The following PKN3 variants were observed in gnomAD, a reference collection of about 807,000 sequenced individuals.
The protein encoded by PKN3 is serine/threonine-protein kinase N3.
Under a neutral mutation model 113.1 loss-of-function variants are expected in PKN3, and 91 were observed. The observed-to-expected ratio is 0.80, with a 90% CI of 0.68 to 0.96. The LOEUF is 0.96. Ranked by LOEUF, PKN3 falls within the 40% of genes least tolerant of loss-of-function variation. The pLI, the probability that PKN3 is intolerant of heterozygous loss-of-function variation, is 0.00. For synonymous variants in PKN3, 467 were observed against 499.0 expected (o/e 0.94, Z 0.85); for missense variants, 1,052 against 1,202.2 (o/e 0.88, Z 1.85).
chr9:128,704,067 G>GT, intron 1 of PKN3: 1 of 985,338 alleles, frequency 1.0e-6, no homozygotes, highest in Non-Finnish European at 1.2e-6. Context: ...GGGGTGGGGG[G>GT]GTCCCTGAGT....
intron 16 of PKN3, 88 bp from the exon 17 acceptor site, chr9:128,718,237 C>A: frequency 1.0e-6 from 1 of 965,068 alleles, no homozygotes; most frequent in Admixed American, 1.7e-5. Flanking sequence ...CATCCGGGAT[C>A]CCCCCGCTAT....
chr9:128,703,383 A>G, intron 1 of PKN3: 3 of 985,420 alleles, frequency 3.0e-6, no homozygotes, highest in Non-Finnish European at 2.4e-6. Flanking sequence ...TGGCAGTGGC[A>G]GGAGTCCTTC....
At chr9:128,703,826 C>T (rs1170468742) in intron 1 of PKN3, 1 of 985,272 alleles carries the variant, frequency 1.0e-6, no homozygotes, top group African/African-American at 1.7e-5. Flanking sequence ...CTCTGGAGGT[C>T]CCTCCGCCTG....
At chr9:128,716,127 T>G (rs929762672) in intron 15 of PKN3, among the ~76,000 whole-genome samples, 2 of 149,494 alleles carry the variant, frequency 1.3e-5, no homozygotes, top group Non-Finnish European at 3.0e-5. Flanking sequence ...GACAACATGG[T>G]GAAACCCGCC....
chr9:128,719,626 A>T (rs1332466499), intron 18 of PKN3, 60 bp from the exon 19 acceptor site: 1 of 1,483,786 alleles, frequency 6.7e-7, no homozygotes, highest in Non-Finnish European at 9.1e-7. Context: ...AGGCTTGGCT[A>T]TTGAAGTTAT....
chr9:128,720,694 G>A lies in PKN3; in HGVS notation c.*88G>A. Reference sequence around the variant, plus strand: ...CCGTGCGCCCTGCCTGGAGGTCCAGGCCTTGCTGGGTACTTCTGAGCCCTT... The same window carrying A: ...CCGTGCGCCCTGCCTGGAGGTCCAGACCTTGCTGGGTACTTCTGAGCCCTT... On this transcript the variant is annotated 3_prime_UTR_variant, in exon 22 of 22. Coordinates refer to ENST00000291906, the MANE Select transcript of PKN3 (RefSeq NM_013355.5). This position sits in a 1 kb window ranked among gnomAD's most constrained non-coding sequence, Gnocchi z 5.5. 1 of 1,160,600 alleles carries A rather than the reference G, an allele frequency of 8.6e-7. No homozygotes were observed. The highest frequency in any genetic ancestry group is 1.2e-6 in the Non-Finnish European group (1 of 809,448). The allele number at this position is 1,160,600 out of a possible 1,614,324, so 71.9% of individuals were successfully genotyped here. A position where few individuals can be genotyped will look rare whatever the true frequency, so the allele number is the denominator to read the frequency against.
Position 128,720,139 on chromosome 9 carries a change from G to A in PKN3, c.2377-64G>A. ...AGCGCTCTGGGCCAGCGTGCTTGGG[G>A]CCTGTGGATGATGGCAGTGCCTGGG... On this transcript the variant is annotated intron_variant, in intron 20 of 21. Transcript: ENST00000291906. This position sits in a 1 kb window ranked among gnomAD's most constrained non-coding sequence, Gnocchi z 5.5. 6.4e-7 allele frequency: 1 copy of A among 1,562,370 alleles called. No homozygotes were observed. The highest frequency in any genetic ancestry group is 8.8e-7 in the Non-Finnish European group (1 of 1,136,886).
At chr9:128,718,420 G>T in intron 17 of PKN3, 33 bp downstream of exon 17, 1 of 1,564,574 alleles carries the variant, frequency 6.4e-7, no homozygotes, top group Non-Finnish European at 8.8e-7. Context: ...ACGGGGGTAG[G>T]GGTGGGGGTG....
chr9:128,717,215 G>A (rs1450641948), intron 16 of PKN3, among the ~76,000 whole-genome samples: 2 of 136,270 alleles, frequency 1.5e-5, no homozygotes, highest in African/African-American at 5.7e-5. Flanking sequence ...CACAACCTCC[G>A]CCTCCCTGGT....
intron 6 of PKN3, among the ~76,000 whole-genome samples, chr9:128,707,731 G>A (rs79585440): frequency 1.3e-5 from 2 of 152,316 alleles, no homozygotes; most frequent in African/African-American, 4.8e-5. Context: ...TAGGAAGCTC[G>A]CAGCCCTGGA....
Position 128,714,110 on chromosome 9 carries a change from C to G in PKN3, c.1301C>G (p.Ser434Cys), listed in dbSNP as rs1302229733. 2 of 1,614,102 alleles carry G rather than the reference C, an allele frequency of 1.2e-6. No individual in the cohort carries two copies. Among genetic ancestry groups the G allele is most frequent in the African/African-American group, 1.3e-5 (1 of 75,034 alleles). Residue 434 changes from serine (S) to cysteine (C), a missense_variant, in exon 10 of 22, where the codon TCT becomes TGT. Transcript: ENST00000291906. ...PRLQRQERIF[S>C]KRRGQDFLRA... ...CTGCAGAGGCAGGAACGCATCTTCTCTAAACGCAGAGGTGTGGAGGGAATG... is the reference window on the plus strand; with the variant it reads ...CTGCAGAGGCAGGAACGCATCTTCTGTAAACGCAGAGGTGTGGAGGGAATG...
At position 128,714,368 on chromosome 9, in the gene PKN3, G is replaced by A; in HGVS notation, c.1481+3G>A. 1 of 1,597,832 alleles carries A rather than the reference G, an allele frequency of 6.3e-7. No homozygotes were observed. The highest frequency in any genetic ancestry group is 2.2e-5 in the East Asian group (1 of 44,656). ...GCCTCTGACCCTGCCACTCCCAGGT[G>A]AGGAGCTCCCTTGCCCTAGACTGCA... On this transcript the variant is annotated splice_donor_region_variant and intron_variant, in intron 11 of 21. Coordinates refer to ENST00000291906, the MANE Select transcript of PKN3 (RefSeq NM_013355.5).
In PKN3 at chr9:128,715,123, G is replaced by A. The variant is rs755851140; in HGVS notation, c.1653-49G>A. On this transcript the variant is annotated intron_variant, in intron 13 of 21. Transcript: ENST00000291906. The surrounding 1 kb of genome is among the most constrained non-coding windows in gnomAD (Gnocchi z 4.1). ...AGGCTTGGAGTGGCTCTGGGTAGGG[G>A]CCCAGCCAGTGCCCTAGGGGACTTC... is the stretch of plus-strand genomic sequence containing the variant. 85 of 1,581,410 alleles carry A rather than the reference G, an allele frequency of 5.4e-5. No homozygotes were observed. The highest frequency in any genetic ancestry group is 1.7e-6 in the Non-Finnish European group (2 of 1,151,264).
Position 128,713,520 on chromosome 9 carries a change from G to T in PKN3, c.1114G>T (p.Val372Leu), listed in dbSNP as rs1300466351. The T allele has an allele frequency of 8.7e-6, 14 of 1,613,954 alleles. No individual in the cohort carries two copies. In the Admixed American group the frequency reaches 2.2e-4, roughly 25 times the overall value. ...ACAGGCCCGTGAGCTGGAGATTGGGGTACACTGGCGGGACTGGCGGCAGCT... is the reference window on the plus strand; with the variant it reads ...ACAGGCCCGTGAGCTGGAGATTGGGTTACACTGGCGGGACTGGCGGCAGCT... ...LERARELEIG[V>L]HWRDWRQLCG... Residue 372 changes from valine (V) to leucine (L), a missense_variant, in exon 9 of 22, where the codon GTA becomes TTA. Physicochemically the swap from Val to Leu is conservative, Grantham distance 32. Around this residue, in one of 2 missense-constraint regions of PKN3, gnomAD observed 719 missense variants for 759.4 expected, o/e 0.95. Coordinates refer to ENST00000291906, the MANE Select transcript of PKN3 (RefSeq NM_013355.5).
Position 128,706,901 on chromosome 9 carries a change from G to T in PKN3, c.529G>T (p.Glu177Ter). The T allele has an allele frequency of 6.2e-7, 1 of 1,614,134 alleles. No individual in the cohort carries two copies. Among genetic ancestry groups the T allele is most frequent in the Non-Finnish European group, 8.5e-7 (1 of 1,180,034 alleles). ...EASGSPEPGP[E>*]LLAEELQHRL... is the part of the protein sequence containing the mutation. ...AGCCGCCGTCCTTCCCACAGGGCCT[G>T]AGCTGCTGGCGGAGGAGCTACAGCA... Residue 177 changes from glutamate (E) to a stop codon, truncating the protein, a stop_gained, in exon 5 of 22, where the codon GAG (glutamate) becomes TAG (stop). Coordinates refer to ENST00000291906, the MANE Select transcript of PKN3 (RefSeq NM_013355.5). LOFTEE classifies it high-confidence loss of function.
At chr9:128,709,210 C>T (rs765943682) in intron 6 of PKN3, among the ~76,000 whole-genome samples, 1 of 150,314 alleles carries the variant, frequency 6.7e-6, no homozygotes. Flanking sequence ...GCGGGAACCC[C>T]GGGGGGCGGA....
intron 9 of PKN3, 90 bp from the exon 10 acceptor site, chr9:128,713,956 G>A: frequency 7.5e-7 from 1 of 1,330,152 alleles, no homozygotes; most frequent in African/African-American, 1.4e-5. Flanking sequence ...TGACCCTGGG[G>A]GCTTGGGCTG....
intron 9 of PKN3, 137 bp from the exon 10 acceptor site, chr9:128,713,909 A>G: frequency 2.2e-6 from 2 of 895,342 alleles, no homozygotes; most frequent in Non-Finnish European, 3.6e-6. Flanking sequence ...AGGACATTGA[A>G]TCTGTTTCTC....
intron 17 of PKN3, 25 bp downstream of exon 17, chr9:128,718,412 G>A (rs761601905): frequency 5.6e-5 from 89 of 1,595,562 alleles, no homozygotes; most frequent in South Asian, 2.9e-4. Flanking sequence ...AGGGATGCAC[G>A]GGGGTAGGGG....
Sources: gnomAD v4.1 joint callset for allele counts (sites outside exome capture counted in the v4.1 genomes callset) on GRCh38, gnomAD v4.1.1 for gene constraint, gnomAD v4.1.1 regional missense constraint, Gnocchi (gnomAD v3.1) non-coding constraint, MANE v1.5 for transcripts, NCBI Gene and HGNC (gene_info 2026-07-23, HGNC 2026-07-21) for gene names.